SFMBT1: variants seen among roughly 807,000 people sequenced by gnomAD.
SFMBT1 encodes the protein Scm like with four mbt domains 1.
SFMBT1 carries 32 observed loss-of-function variants against 108.7 expected under a neutral mutation model. The ratio of observed to expected loss-of-function variants is 0.29; its 90% CI spans 0.22 to 0.40. The LOEUF is 0.40. Ranked by LOEUF, SFMBT1 falls within the 10% of genes least tolerant of loss-of-function variation. The pLI is 1.00. For synonymous variants in SFMBT1, 348 were observed against 369.5 expected (o/e 0.94, Z 0.67); for missense variants, 816 against 1,059.6 (o/e 0.77, Z 3.19).
chr3:52,945,188 G>A (rs1211093347), intron 3 of SFMBT1, among the ~76,000 whole-genome samples: 2 of 135,124 alleles, frequency 1.5e-5, no homozygotes, highest in African/African-American at 5.4e-5. Context: ...TCCGATTCTG[G>A]GATAGGAAAA....
intron 1 of SFMBT1, among the ~76,000 whole-genome samples, chr3:53,036,651 G>C (rs1420124947): frequency 5.9e-5 from 9 of 152,244 alleles, no homozygotes; most frequent in Admixed American, 5.2e-4. Context: ...TCTTAGAGGA[G>C]CACAGGAGCT....
rs397989629 is a variant in SFMBT1 at position 53,013,615 on chromosome 3, C to CTTTTTT, written c.-131+32195_-131+32200dup. On this transcript the variant is annotated intron_variant, in intron 1 of 20. Coordinates refer to ENST00000394752, the MANE Select transcript of SFMBT1 (RefSeq NM_016329.4). The stretch of plus-strand genomic sequence containing the variant: ...GGAACACAGTTTATTTATAAAGAAT[C>CTTTTTT]TTTTTTTTTTTTTTTTTTTTTTTTT... Among the ~76,000 whole-genome samples the CTTTTTT allele has an allele frequency of 6.5e-4, 38 of 58,102 alleles. 2 individuals carry two copies. Among genetic ancestry groups the CTTTTTT allele is most frequent in the Admixed American group, 7.8e-4 (3 of 3,860 alleles). The allele number at this position is 58,102 out of a possible 152,430, so 38.1% of individuals were successfully genotyped here.
intron 2 of SFMBT1, among the ~76,000 whole-genome samples, chr3:52,957,474 T>C (rs937765170): frequency 6.6e-6 from 1 of 151,916 alleles, no homozygotes; most frequent in Admixed American, 6.6e-5. Context: ...GAAACAAATT[T>C]CACAGGAAAC....
At chr3:53,017,404 C>G (rs896882810) in intron 1 of SFMBT1, among the ~76,000 whole-genome samples, 1 of 152,168 alleles carries the variant, frequency 6.6e-6, no homozygotes, top group Non-Finnish European at 1.5e-5. Flanking sequence ...ACAGGTATTT[C>G]TTGAATTCCT....
intron 1 of SFMBT1, among the ~76,000 whole-genome samples, chr3:52,971,121 ATG>A (rs756336851): frequency 9.9e-5 from 15 of 152,194 alleles, no homozygotes; most frequent in Non-Finnish European, 1.9e-4. Flanking sequence ...AGCCTGGGCA[ATG>A]AGAGTGAAAT....
At chr3:53,030,186 T>G (rs1214422701) in intron 1 of SFMBT1, among the ~76,000 whole-genome samples, 1 of 152,192 alleles carries the variant, frequency 6.6e-6, no homozygotes, top group Non-Finnish European at 1.5e-5. Context: ...CAGATCTATG[T>G]GTACTTGGAT....
Position 52,907,744 on chromosome 3 carries a change from A to G in SFMBT1, c.1907-11T>C. The G allele has an allele frequency of 6.3e-7, 1 of 1,577,458 alleles. No individual in the cohort carries two copies. Among genetic ancestry groups the G allele is most frequent in the South Asian group, 1.2e-5 (1 of 84,964 alleles). On this transcript the variant is annotated splice_polypyrimidine_tract_variant and intron_variant, in intron 17 of 20. Coordinates refer to ENST00000394752, the MANE Select transcript of SFMBT1 (RefSeq NM_016329.4). ...TTCCGTAATAGTGTGCTAAATGTGG[A>G]TGACAAAGAAAAATGAAGTAGCTTC...
chr3:53,030,349 G>A (rs1413418889), intron 1 of SFMBT1, among the ~76,000 whole-genome samples: 1 of 151,910 alleles, frequency 6.6e-6, no homozygotes, highest in Non-Finnish European at 1.5e-5. Flanking sequence ...GAATAATAGT[G>A]GCCTACAGAA....
intron 9 of SFMBT1, 74 bp downstream of exon 9, chr3:52,928,117 A>G: frequency 1.3e-6 from 2 of 1,550,062 alleles, no homozygotes; most frequent in South Asian, 1.2e-5. Context: ...AAAAGATTTC[A>G]GCAATGCCAT....
chr3:52,943,297 T>C lies in SFMBT1; in HGVS notation c.364+56A>G, dbSNP rs898913222. 6.1e-5 allele frequency: 98 copies of C among 1,610,172 alleles called. No homozygotes were observed. In the East Asian group the frequency reaches 9.6e-4, roughly 16 times the overall value. ...CTTAAAACCTCAAGACTGTGGACAA[T>C]CCAAATTTTCTTACAGTAAAATCAC... On this transcript the variant is annotated intron_variant, in intron 4 of 20. Coordinates refer to ENST00000394752, the MANE Select transcript of SFMBT1 (RefSeq NM_016329.4).
Position 52,913,677 on chromosome 3 carries a change from G to A in SFMBT1, c.1481-60C>T, listed in dbSNP as rs1000777014. On this transcript the variant is annotated intron_variant, in intron 14 of 20. Transcript: ENST00000394752. ...TCATTCTCTACCCCACGTTTCCAAA[G>A]CTGAACTGCCAGGGAAGAAAAACGA... 9 of 1,572,662 alleles carry A rather than the reference G, an allele frequency of 5.7e-6. No individual in the cohort carries two copies. The East Asian group carries it at 1.8e-4, about 31-fold the overall frequency.
At chr3:52,961,173 A>G (rs569949540) in intron 2 of SFMBT1, among the ~76,000 whole-genome samples, 2 of 151,972 alleles carry the variant, frequency 1.3e-5, no homozygotes, top group African/African-American at 4.8e-5. Flanking sequence ...TTGATAAACA[A>G]TGAAGACATT....
At chr3:53,006,607 C>T (rs1439878822) in intron 1 of SFMBT1, among the ~76,000 whole-genome samples, 1 of 140,718 alleles carries the variant, frequency 7.1e-6, no homozygotes, top group African/African-American at 3.1e-5. Flanking sequence ...CCAGCCTGGG[C>T]GACAGAGCAA....
intron 5 of SFMBT1, 90 bp from the exon 6 acceptor site, chr3:52,932,398 T>G (rs1301031982): frequency 1.5e-6 from 2 of 1,353,836 alleles, no homozygotes; most frequent in Non-Finnish European, 2.0e-6. Flanking sequence ...AAACCAGCCT[T>G]TGTATTTTTT....
chr3:52,969,030 A>G, intron 2 of SFMBT1, 71 bp downstream of exon 2: 1 of 1,570,718 alleles, frequency 6.4e-7, no homozygotes. Context: ...GTAGAGAAAC[A>G]GACAATATAA....
At chr3:52,936,350 A>G (rs969490491) in intron 4 of SFMBT1, among the ~76,000 whole-genome samples, 1 of 152,166 alleles carries the variant, frequency 6.6e-6, no homozygotes, top group Non-Finnish European at 1.5e-5. Context: ...CTTTCTCTAT[A>G]TTTACCACCC....
At chr3:53,035,882 C>T (rs549126807) in intron 1 of SFMBT1, among the ~76,000 whole-genome samples, 2 of 152,182 alleles carry the variant, frequency 1.3e-5, no homozygotes, top group African/African-American at 4.8e-5. Flanking sequence ...CGTGAGCAAC[C>T]GCACCCGGCC....
In SFMBT1 at chr3:52,915,303, A is replaced by G. The variant is rs1702318881; in HGVS notation, c.1480+847T>C. Among the ~76,000 whole-genome samples the G allele has an allele frequency of 2.0e-5, 3 of 152,188 alleles. 1 individual carries two copies. The South Asian group carries it at 6.2e-4, about 32-fold the overall frequency. ...TGGCTGAGGTTGTGCAGAAGATATT[A>G]ATGTCTTAAATTCTGTGGTTTCAGT... On this transcript the variant is annotated intron_variant, in intron 14 of 20. Coordinates refer to ENST00000394752, the MANE Select transcript of SFMBT1 (RefSeq NM_016329.4).
chr3:52,954,683 G>A (rs1328160385), intron 2 of SFMBT1, among the ~76,000 whole-genome samples: 4 of 152,162 alleles, frequency 2.6e-5, no homozygotes, highest in South Asian at 2.1e-4. Flanking sequence ...CACCCAAATG[G>A]ATCACATAAA....
Sources: allele counts gnomAD v4.1 joint callset (sites outside exome capture counted in the v4.1 genomes callset), GRCh38; gene constraint gnomAD v4.1.1; transcripts MANE v1.5; gene names NCBI Gene and HGNC (gene_info 2026-07-23, HGNC 2026-07-21).